Variants in PACS2 observed in about 807,000 individuals in gnomAD.
PACS2 encodes the protein PACS1-like protein.
In PACS2, 36 loss-of-function variants were observed where a neutral mutation model predicts 113.0. That is an observed-to-expected ratio of 0.32 (90% CI 0.24 to 0.42). The LOEUF is 0.42. PACS2 is among the 10% of genes least tolerant of loss of function. The pLI, the probability that PACS2 is intolerant of heterozygous loss-of-function variation, is 1.00. For missense variants in PACS2, 1,015 were observed against 1,239.5 expected (o/e 0.82, Z 2.72); for synonymous variants, 589 against 536.1 (o/e 1.10, Z -1.36).
chr14:105,338,970 C>T (rs1326978185), intron 1 of PACS2, among the ~76,000 whole-genome samples: 4 of 152,218 alleles, frequency 2.6e-5, no homozygotes, highest in Non-Finnish European at 4.4e-5. Flanking sequence ...CTCACTCCTG[C>T]CTTCAACTGA....
Position 105,355,453 on chromosome 14 carries a change from G to A in PACS2, c.423+276G>A, listed in dbSNP as rs2060403517. On this transcript the variant is annotated intron_variant, in intron 4 of 24. Transcript: ENST00000447393. The surrounding 1 kb of genome is among the most constrained non-coding windows in gnomAD (Gnocchi z 4.1). ...AACGAGCCTGTCCTGCCCTTCAGTGGAGGCTGGGTTTTGGGTCAGGCTGCT... is the reference window on the plus strand; with the variant it reads ...AACGAGCCTGTCCTGCCCTTCAGTGAAGGCTGGGTTTTGGGTCAGGCTGCT... 6.6e-6 allele frequency among the ~76,000 whole-genome samples: 1 copy of A among 152,238 alleles called. No homozygotes were observed.
At position 105,393,750 on chromosome 14, in the gene PACS2, C is replaced by T. The variant is rs183801974; in HGVS notation, c.2596+415C>T. Among the ~76,000 whole-genome samples the T allele has an allele frequency of 9.7e-3, 1,474 of 151,672 alleles. 25 individuals carry two copies. Among genetic ancestry groups the T allele is most frequent in the Middle Eastern group, 0.021 (6 of 292 alleles). On this transcript the variant is annotated intron_variant, in intron 24 of 24. Transcript: ENST00000447393. ...GATTACAGGCGCGTGCCACCACGCC[C>T]GGCTAATTTTTTGTATTTTTAGTAG...
chr14:105,395,275 C>A lies in PACS2; in HGVS notation c.*603C>A, dbSNP rs1429775747. ...GCCAAACATGTTGCTCTTCTGAAGT[C>A]CCCCTGGGGCTGGGCAGAGCCAGCA... On this transcript the variant is annotated 3_prime_UTR_variant, in exon 25 of 25. Transcript: ENST00000447393. 1 of 152,460 alleles carries A rather than the reference C, an allele frequency of 6.6e-6. No individual in the cohort carries two copies. Among genetic ancestry groups the A allele is most frequent in the Non-Finnish European group, 1.5e-5 (1 of 68,230 alleles). 9.4% of individuals were successfully genotyped at this position (152,460 alleles called of 1,614,324 possible). A position where few individuals can be genotyped will look rare whatever the true frequency, so the allele number is the denominator to read the frequency against.
At chr14:105,363,909 C>T (rs1040971934) in intron 4 of PACS2, among the ~76,000 whole-genome samples, 7 of 152,020 alleles carry the variant, frequency 4.6e-5, no homozygotes, top group African/African-American at 1.7e-4. Flanking sequence ...ATTATTGTGT[C>T]TCGGAAGAGA....
intron 16 of PACS2, 164 bp from the exon 17 acceptor site, chr14:105,384,189 A>G: frequency 1.7e-6 from 1 of 587,692 alleles, no homozygotes; most frequent in Non-Finnish European, 3.0e-6. Flanking sequence ...GGCATCCACC[A>G]GGGAGGGGCA....
chr14:105,382,549 A>G lies in PACS2; in HGVS notation c.1486A>G (p.Ile496Val). 1 of 1,612,186 alleles carries G rather than the reference A, an allele frequency of 6.2e-7. No individual in the cohort carries two copies. The highest frequency in any genetic ancestry group is 8.5e-7 in the Non-Finnish European group (1 of 1,178,334). Reference protein sequence around the residue: ...ISDDQLPENIILVNTSDWQGQ... With the variant: ...ISDDQLPENIVLVNTSDWQGQ... ...CGATGACCAGCTTCCCGAAAACATC[A>G]TCCTTGTCAACACCTCGGACTGGCA... Residue 496 changes from isoleucine to valine, a missense_variant, in exon 14 of 25, where the codon ATC (isoleucine) becomes GTC (valine). Coordinates refer to ENST00000447393, the MANE Select transcript of PACS2 (RefSeq NM_001100913.3).
chr14:105,381,823 A>G (rs1462762885), intron 12 of PACS2, 91 bp from the exon 13 acceptor site: 2 of 1,202,848 alleles, frequency 1.7e-6, no homozygotes, highest in Middle Eastern at 5.1e-4. Flanking sequence ...TCCCCACCAC[A>G]ATGTGTAGGC....
chr14:105,393,411 C>T (rs2081428709), intron 24 of PACS2, 76 bp downstream of exon 24: 1 of 950,920 alleles, frequency 1.1e-6, no homozygotes. Flanking sequence ...GGAGCCCAGC[C>T]TAGGAGCTGC....
intron 2 of PACS2, among the ~76,000 whole-genome samples, chr14:105,352,081 C>T (rs184908245): frequency 6.6e-6 from 1 of 152,276 alleles, no homozygotes; most frequent in African/African-American, 2.4e-5. Context: ...TGCACCTGGC[C>T]GTGGAATCTG....
rs2081516562 is a variant in PACS2, at chr14:105,395,928, C to T, written c.*1256C>T. Reference sequence around the variant, plus strand: ...GGCCCTCCCAGGGGTCCTGATCGACCCTGGGGGCTCTTGGCCTGGTTTCGT... The same window carrying T: ...GGCCCTCCCAGGGGTCCTGATCGACTCTGGGGGCTCTTGGCCTGGTTTCGT... On this transcript the variant is annotated 3_prime_UTR_variant, in exon 25 of 25. Transcript: ENST00000447393. 1 of 152,290 alleles carries T rather than the reference C, an allele frequency of 6.6e-6. No homozygotes were observed. Among genetic ancestry groups the T allele is most frequent in the Admixed American group, 6.5e-5 (1 of 15,282 alleles). The allele number at this position is 152,290 out of a possible 1,614,324, so 9.4% of individuals were successfully genotyped here. A position where few individuals can be genotyped will look rare whatever the true frequency, so the allele number is the denominator to read the frequency against.
chr14:105,331,288 G>A (rs1333796292), intron 1 of PACS2, among the ~76,000 whole-genome samples: 1 of 152,176 alleles, frequency 6.6e-6, no homozygotes, highest in Non-Finnish European at 1.5e-5. Flanking sequence ...TTTAGTCTGT[G>A]TTTCTGTGCG....
chr14:105,389,728 G>T, intron 19 of PACS2: 1 of 581,190 alleles, frequency 1.7e-6, no homozygotes, highest in East Asian at 2.8e-5. Flanking sequence ...TGTCCTTCCA[G>T]CATGTCAGCA....
At chr14:105,338,492 A>G (rs1555401016) in intron 1 of PACS2, among the ~76,000 whole-genome samples, 1 of 151,716 alleles carries the variant, frequency 6.6e-6, no homozygotes, top group Non-Finnish European at 1.5e-5. Context: ...TGACCTATTG[A>G]CCCTGCCACA....
chr14:105,326,467 G>A (rs967824253), intron 1 of PACS2, among the ~76,000 whole-genome samples: 2 of 152,242 alleles, frequency 1.3e-5, no homozygotes, highest in East Asian at 1.9e-4. Context: ...TTCCTGGTGC[G>A]GTGCTGAATT....
In PACS2 at chr14:105,364,511, T is replaced by C. The variant is rs1427973280; in HGVS notation, c.424-2702T>C. Among the ~76,000 whole-genome samples, 223 of 131,748 alleles carry C rather than the reference T, an allele frequency of 1.7e-3. 1 individual carries two copies. Among genetic ancestry groups the C allele is most frequent in the African/African-American group, 5.9e-3 (198 of 33,508 alleles). The allele number at this position is 131,748 out of a possible 152,430, so 86.4% of individuals were successfully genotyped here. ...GGCGGCCCGGGTGCGCGGTGGGCGGTGGCCTGGGTGCGCGGTGGGCGGCAC... is the reference window on the plus strand; with the variant it reads ...GGCGGCCCGGGTGCGCGGTGGGCGGCGGCCTGGGTGCGCGGTGGGCGGCAC... On this transcript the variant is annotated intron_variant, in intron 4 of 24. Transcript: ENST00000447393.
At chr14:105,302,735 G>A (rs967523368) in intron 1 of PACS2, among the ~76,000 whole-genome samples, 2 of 152,056 alleles carry the variant, frequency 1.3e-5, no homozygotes, top group African/African-American at 4.8e-5. Context: ...ACAGGCATGT[G>A]CCACCACACC....
chr14:105,317,055 C>A lies in PACS2; in HGVS notation c.119+2018C>A, dbSNP rs1323613427. Among the ~76,000 whole-genome samples the A allele has an allele frequency of 6.6e-6, 1 of 152,196 alleles. No individual in the cohort carries two copies. The highest frequency in any genetic ancestry group is 6.5e-5 in the Admixed American group (1 of 15,280). The stretch of plus-strand genomic sequence containing the variant: ...TTTGTGCTTGTGCCGCCTGTCCGTG[C>A]ATCCTCGGACAGTCTGCTACTTAGT... On this transcript the variant is annotated intron_variant, in intron 1 of 24. Coordinates refer to ENST00000447393, the MANE Select transcript of PACS2 (RefSeq NM_001100913.3). The surrounding 1 kb of genome is among the most constrained non-coding windows in gnomAD (Gnocchi z 4.2).
rs186863172 is a variant in PACS2 at position 105,386,849 on chromosome 14, C to T, written c.2033+1132C>T. 6.9e-4 allele frequency among the ~76,000 whole-genome samples: 105 copies of T among 152,272 alleles called. 2 individuals carry two copies. Among genetic ancestry groups the T allele is most frequent in the Admixed American group, 1.0e-3 (16 of 15,300 alleles). ...AAGCCTTCACAGGTGAAAGACCAGC[C>T]GTGGGGGCCTCCCCTGCTGACCCCC... On this transcript the variant is annotated intron_variant, in intron 19 of 24. Transcript: ENST00000447393.
rs587626442 is a variant in PACS2, at chr14:105,356,047, C to T, written c.423+870C>T. ...CCTGGGAAGGTCAGCCAGCGCAGCC[C>T]CTCATTGGGAGCCGGAGATGCCAGA... On this transcript the variant is annotated intron_variant, in intron 4 of 24. Transcript: ENST00000447393. This position sits in a 1 kb window ranked among gnomAD's most constrained non-coding sequence, Gnocchi z 4.0. Among the ~76,000 whole-genome samples, 1 of 152,274 alleles carries T rather than the reference C, an allele frequency of 6.6e-6. No homozygotes were observed. The highest frequency in any genetic ancestry group is 2.4e-5 in the African/African-American group (1 of 41,572).
Sources: gnomAD v4.1 joint callset for allele counts (sites outside exome capture counted in the v4.1 genomes callset) on GRCh38, gnomAD v4.1.1 for gene constraint, Gnocchi (gnomAD v3.1) non-coding constraint, MANE v1.5 for transcripts, NCBI Gene and HGNC (gene_info 2026-07-23, HGNC 2026-07-21) for gene names.